Variants in FNBP1L observed in about 807,000 individuals in gnomAD.
The protein encoded by FNBP1L is formin binding protein 1 like, also known as formin-binding protein 1-like.
FNBP1L carries 36 observed loss-of-function variants against 91.2 expected under a neutral mutation model. The ratio of observed to expected loss-of-function variants is 0.39; its 90% CI spans 0.30 to 0.52. The LOEUF (loss-of-function observed/expected upper bound fraction) is 0.52, where lower values mean the gene tolerates loss of function less well. Among genes scored for constraint, FNBP1L ranks in the 20% least tolerant of loss-of-function variants. The probability of loss-of-function intolerance (pLI) is 0.66; values close to 1 mark genes in which losing one functional copy is unlikely to be tolerated. For synonymous variants in FNBP1L, 242 were observed against 237.0 expected (o/e 1.02, Z -0.19); for missense variants, 571 against 732.1 (o/e 0.78, Z 2.54).
intron 1 of FNBP1L, among the ~76,000 whole-genome samples, chr1:93,477,765 A>G (rs1018904796): frequency 1.8e-4 from 28 of 152,376 alleles, no homozygotes; most frequent in Admixed American, 1.7e-3. Context: ...TGAAAAATCC[A>G]TATTTCTATT....
intron 11 of FNBP1L, among the ~76,000 whole-genome samples, chr1:93,543,277 G>T (rs1267454133): frequency 6.6e-6 from 1 of 152,118 alleles, no homozygotes; most frequent in Non-Finnish European, 1.5e-5. Context: ...TAAGGGAAAA[G>T]GTGTCATTTG....
intron 5 of FNBP1L, among the ~76,000 whole-genome samples, chr1:93,526,530 A>G (rs906752862): frequency 6.6e-6 from 1 of 152,100 alleles, no homozygotes; most frequent in Admixed American, 6.6e-5. Flanking sequence ...GTCCCCAACA[A>G]ATTTCCTCTG....
intron 2 of FNBP1L, among the ~76,000 whole-genome samples, chr1:93,507,671 C>T (rs568241047): frequency 8.5e-5 from 13 of 152,150 alleles, no homozygotes; most frequent in South Asian, 8.3e-4. Flanking sequence ...ATTTATGAGA[C>T]GGAGTTTCAC....
intron 12 of FNBP1L, among the ~76,000 whole-genome samples, chr1:93,546,367 G>A (rs558984142): frequency 2.2e-4 from 34 of 152,198 alleles, no homozygotes; most frequent in South Asian, 1.5e-3. Context: ...AGAGGAATTG[G>A]CAAATGACTG....
intron 5 of FNBP1L, 47 bp downstream of exon 5, chr1:93,524,370 A>G: frequency 1.5e-6 from 2 of 1,353,700 alleles, no homozygotes; most frequent in Non-Finnish European, 2.0e-6. Context: ...TGTAGACTAG[A>G]TTAGCCCTAA....
intron 2 of FNBP1L, among the ~76,000 whole-genome samples, chr1:93,515,429 G>T (rs1482177495): frequency 6.6e-6 from 1 of 151,820 alleles, no homozygotes; most frequent in South Asian, 2.1e-4. Flanking sequence ...ATACCCAAAG[G>T]ACTATAAATC....
chr1:93,474,389 A>G (rs1669420024), intron 1 of FNBP1L, among the ~76,000 whole-genome samples: 1 of 152,220 alleles, frequency 6.6e-6, no homozygotes, highest in Non-Finnish European at 1.5e-5. Flanking sequence ...TGAAAGAAAG[A>G]GAGTGATTCT....
At chr1:93,531,476 A>G (rs1671675785) in intron 7 of FNBP1L, among the ~76,000 whole-genome samples, 1 of 152,224 alleles carries the variant, frequency 6.6e-6, no homozygotes, top group Non-Finnish European at 1.5e-5. Flanking sequence ...AAGAAGAGAA[A>G]TTACAGAAAA....
intron 8 of FNBP1L, 48 bp downstream of exon 8, chr1:93,533,116 T>G (rs1427263150): frequency 6.4e-7 from 1 of 1,567,478 alleles, no homozygotes; most frequent in East Asian, 2.3e-5. Context: ...GGTTTAGGTG[T>G]GCAGTTTAAG....
At chr1:93,491,047 C>T (rs1352193038) in intron 1 of FNBP1L, among the ~76,000 whole-genome samples, 3 of 152,090 alleles carry the variant, frequency 2.0e-5, no homozygotes, top group African/African-American at 7.2e-5. Flanking sequence ...TCAAGCAATC[C>T]TCCCACCTCA....
intron 1 of FNBP1L, among the ~76,000 whole-genome samples, chr1:93,493,287 T>G (rs1368057621): frequency 6.6e-6 from 1 of 152,208 alleles, no homozygotes; most frequent in African/African-American, 2.4e-5. Flanking sequence ...ATTTCGATGC[T>G]GCAGTGAGCT....
intron 14 of FNBP1L, 148 bp downstream of exon 14, chr1:93,547,589 T>G: frequency 1.5e-6 from 1 of 647,410 alleles, no homozygotes; most frequent in East Asian, 2.8e-5. Context: ...TAATTTTCTT[T>G]AGTGATAATT....
intron 2 of FNBP1L, among the ~76,000 whole-genome samples, chr1:93,504,791 G>T (rs909205779): frequency 1.3e-5 from 2 of 151,996 alleles, no homozygotes; most frequent in Non-Finnish European, 2.9e-5. Flanking sequence ...TTGTTTTTTT[G>T]TTGTAGAGTT....
At chr1:93,478,973 A>G (rs1202347627) in intron 1 of FNBP1L, among the ~76,000 whole-genome samples, 1 of 152,246 alleles carries the variant, frequency 6.6e-6, no homozygotes, top group African/African-American at 2.4e-5. Context: ...AGCCATTTAA[A>G]CTTAAAGCAA....
intron 1 of FNBP1L, 59 bp from the exon 2 acceptor site, chr1:93,499,406 TAAA>T: frequency 9.2e-7 from 1 of 1,084,848 alleles, no homozygotes; most frequent in Non-Finnish European, 1.4e-6. Context: ...CAGAAGCTGT[TAAA>T]AATATCTGTG....
chr1:93,459,978 T>TGTGTG (rs1557774003), intron 1 of FNBP1L, among the ~76,000 whole-genome samples: 4 of 125,646 alleles, frequency 3.2e-5, no homozygotes, highest in African/African-American at 7.7e-5. Flanking sequence ...TGTGTGTGTG[T>TGTGTG]TTTTGGGATA....
intron 1 of FNBP1L, among the ~76,000 whole-genome samples, chr1:93,459,142 G>A (rs1668773068): frequency 6.6e-6 from 1 of 152,120 alleles, no homozygotes; most frequent in African/African-American, 2.4e-5. Flanking sequence ...AGGTGTGGTG[G>A]CATGCACCTG....
intron 1 of FNBP1L, among the ~76,000 whole-genome samples, chr1:93,452,758 A>G (rs1668538505): frequency 6.6e-6 from 1 of 152,264 alleles, no homozygotes; most frequent in Non-Finnish European, 1.5e-5. Flanking sequence ...TGTCTAGAGG[A>G]GGTTGACAAA....
intron 2 of FNBP1L, among the ~76,000 whole-genome samples, chr1:93,503,292 C>G (rs1438264847): frequency 2.0e-5 from 3 of 152,092 alleles, no homozygotes; most frequent in African/African-American, 7.2e-5. Context: ...AGAACTAACT[C>G]ACTGTTGTGA....
Sources: allele counts gnomAD v4.1 joint callset (sites outside exome capture counted in the v4.1 genomes callset), GRCh38; gene constraint gnomAD v4.1.1; transcripts MANE v1.5; gene names NCBI Gene and HGNC (gene_info 2026-07-23, HGNC 2026-07-21).